The following EGFR variants were observed in gnomAD, a reference collection of about 807,000 sequenced individuals.
EGFR encodes the protein epidermal growth factor receptor.
A neutral mutation model predicts 143.0 loss-of-function variants in EGFR; 58 were observed. The observed-to-expected ratio is 0.41, with a 90% CI of 0.33 to 0.50. The LOEUF is 0.50. Among genes scored for constraint, EGFR ranks in the 20% least tolerant of loss-of-function variants. The pLI is 0.39. For missense variants in EGFR, 1,307 were observed against 1,579.0 expected (o/e 0.83, Z 2.92); for synonymous variants, 613 against 594.4 (o/e 1.03, Z -0.45).
rs1487532539 is a variant in EGFR at position 55,208,888 on chromosome 7, C to T, written c.*3271C>T. The T allele has an allele frequency of 6.6e-6, 1 of 152,148 alleles. No homozygotes were observed. Among genetic ancestry groups the T allele is most frequent in the Non-Finnish European group, 1.5e-5 (1 of 68,024 alleles). The allele number at this position is 152,148 out of a possible 1,614,324, so 9.4% of individuals were successfully genotyped here. A position where few individuals can be genotyped will look rare whatever the true frequency, so the allele number is the denominator to read the frequency against. On this transcript the variant is annotated 3_prime_UTR_variant, in exon 28 of 28. Coordinates refer to ENST00000275493, the MANE Select transcript of EGFR (RefSeq NM_005228.5). ...TGGCTTGATTTTCTCAGGTGCAGCC[C>T]AGCCGTAGGGCCTTTTCAGAGCACC...
chr7:55,114,347 G>T (rs981387038), intron 1 of EGFR, among the ~76,000 whole-genome samples: 4 of 152,158 alleles, frequency 2.6e-5, no homozygotes, highest in African/African-American at 7.2e-5. Flanking sequence ...TTAGCCAGGT[G>T]TAGTGGCACA....
At chr7:55,199,819 G>A (rs1426111836) in intron 23 of EGFR, among the ~76,000 whole-genome samples, 1 of 152,214 alleles carries the variant, frequency 6.6e-6, no homozygotes, top group African/African-American at 2.4e-5. Context: ...CTTCTCACTT[G>A]CATGCATGCC....
intron 3 of EGFR, among the ~76,000 whole-genome samples, chr7:55,144,806 C>T (rs928518932): frequency 6.6e-6 from 1 of 152,200 alleles, no homozygotes; most frequent in Non-Finnish European, 1.5e-5. Flanking sequence ...TGCCTGGCCC[C>T]GTCCCTCAGC....
At chr7:55,119,138 G>A (rs77434890) in intron 1 of EGFR, 1 of 152,164 alleles carries the variant, frequency 6.6e-6, no homozygotes, top group Non-Finnish European at 1.5e-5. Context: ...GATCTGAGAA[G>A]AATGTGAAAG....
chr7:55,204,644 A>G (rs1311643960), intron 27 of EGFR, among the ~76,000 whole-genome samples: 3 of 138,862 alleles, frequency 2.2e-5, no homozygotes, highest in Non-Finnish European at 3.1e-5. Flanking sequence ...CCACACATAC[A>G]TACACATACA....
chr7:55,131,482 A>T (rs763596794), intron 1 of EGFR, among the ~76,000 whole-genome samples: 2 of 152,142 alleles, frequency 1.3e-5, no homozygotes, highest in Non-Finnish European at 2.9e-5. Context: ...TGTTCCCCGC[A>T]GTAAAGAGGA....
chr7:55,134,592 C>A (rs554733783), intron 1 of EGFR, among the ~76,000 whole-genome samples: 2 of 152,326 alleles, frequency 1.3e-5, no homozygotes, highest in South Asian at 4.1e-4. Context: ...AACAGATCAA[C>A]GGGTATTGCT....
intron 24 of EGFR, chr7:55,200,663 G>A (rs1312822050): frequency 1.7e-6 from 1 of 573,744 alleles, no homozygotes; most frequent in South Asian, 2.0e-5. Flanking sequence ...CGTCCTCACT[G>A]TCCGGCTAGC....
intron 1 of EGFR, among the ~76,000 whole-genome samples, chr7:55,060,877 G>A (rs1240351572): frequency 1.3e-5 from 2 of 152,148 alleles, no homozygotes; most frequent in Non-Finnish European, 2.9e-5. Flanking sequence ...AATCATGGAC[G>A]TGCTCTGGTT....
At chr7:55,179,832 A>G (rs1233796921) in intron 19 of EGFR, 1 of 152,176 alleles carries the variant, frequency 6.6e-6, no homozygotes, top group African/African-American at 2.4e-5. Context: ...TTCACATAGC[A>G]TTTGCACTGT....
chr7:55,159,366 G>T (rs1785586305), intron 11 of EGFR, among the ~76,000 whole-genome samples: 1 of 145,580 alleles, frequency 6.9e-6, no homozygotes. Context: ...GCTCCTCCAG[G>T]TGGCTGAGGA....
chr7:55,090,573 T>A (rs1267938983), intron 1 of EGFR, among the ~76,000 whole-genome samples: 1 of 152,144 alleles, frequency 6.6e-6, no homozygotes, highest in Non-Finnish European at 1.5e-5. Flanking sequence ...AAGCACATGA[T>A]TTACTAAAAC....
At chr7:55,030,022 C>T (rs1276188037) in intron 1 of EGFR, among the ~76,000 whole-genome samples, 1 of 152,200 alleles carries the variant, frequency 6.6e-6, no homozygotes, top group African/African-American at 2.4e-5. Flanking sequence ...CTCTCAGCCT[C>T]CTACAACCCC....
intron 1 of EGFR, among the ~76,000 whole-genome samples, chr7:55,118,435 A>G (rs1793001872): frequency 6.6e-6 from 1 of 152,216 alleles, no homozygotes; most frequent in African/African-American, 2.4e-5. Flanking sequence ...AGGTACCTGA[A>G]GGCACCATCC....
chr7:55,114,879 C>CTTTTTT (rs777244842), intron 1 of EGFR, among the ~76,000 whole-genome samples: 4 of 122,748 alleles, frequency 3.3e-5, no homozygotes, highest in Non-Finnish European at 6.8e-5. Context: ...TTGTATTATT[C>CTTTTTT]TTTTTTTTTT....
intron 1 of EGFR, among the ~76,000 whole-genome samples, chr7:55,048,954 T>C (rs746770803): frequency 1.6e-4 from 24 of 152,170 alleles, no homozygotes; most frequent in Non-Finnish European, 3.1e-4. Flanking sequence ...AAAATAGTCA[T>C]ATGGCACAGA....
chr7:55,120,488 T>C lies in EGFR; in HGVS notation c.89-21798T>C, dbSNP rs541731121. Among the ~76,000 whole-genome samples, 5 of 152,404 alleles carry C rather than the reference T, an allele frequency of 3.3e-5. No individual in the cohort carries two copies. In the South Asian group the frequency reaches 1.0e-3, roughly 32 times the overall value. ...AATGTATTACAACCACAAGGACGTT[T>C]ACATGGAAATGAACCATCTGCAAAG... On this transcript the variant is annotated intron_variant, in intron 1 of 27. Coordinates refer to ENST00000275493, the MANE Select transcript of EGFR (RefSeq NM_005228.5).
chr7:55,143,217 C>A, intron 2 of EGFR, 88 bp from the exon 3 acceptor site: 3 of 1,412,184 alleles, frequency 2.1e-6, no homozygotes, highest in Non-Finnish European at 3.0e-6. Flanking sequence ...TTCAACTGGG[C>A]GTCCTAGGGC....
chr7:55,133,621 C>T (rs918928825), intron 1 of EGFR, among the ~76,000 whole-genome samples: 13 of 152,244 alleles, frequency 8.5e-5, no homozygotes, highest in Non-Finnish European at 1.9e-4. Context: ...ATCATGCAAT[C>T]TCCGTCATCC....
Sources: allele counts gnomAD v4.1 joint callset (sites outside exome capture counted in the v4.1 genomes callset), GRCh38; gene constraint gnomAD v4.1.1; transcripts MANE v1.5; gene names NCBI Gene and HGNC (gene_info 2026-07-23, HGNC 2026-07-21).